EBF2: variants seen among roughly 807,000 people sequenced by gnomAD.
EBF2 encodes EBF transcription factor 2.
A neutral mutation model predicts 72.8 loss-of-function variants in EBF2; 21 were observed. The observed-to-expected ratio is 0.29, with a 90% CI of 0.20 to 0.42. The LOEUF (loss-of-function observed/expected upper bound fraction) is 0.42. Among genes scored for constraint, EBF2 ranks in the 10% least tolerant of loss-of-function variants. The pLI, the probability that EBF2 is intolerant of heterozygous loss-of-function variation, is 1.00. For missense variants in EBF2, 637 were observed against 731.2 expected (o/e 0.87, Z 1.49); for synonymous variants, 299 against 274.2 (o/e 1.09, Z -0.89).
intron 6 of EBF2, among the ~76,000 whole-genome samples, chr8:25,963,070 T>G (rs1485735): frequency 0.8 from 121,249 of 152,092 alleles, 48,596 homozygotes; most frequent in East Asian, 0.89. Flanking sequence ...GCCTTTGTTG[T>G]CAGGTTTATG....
chr8:25,968,531 G>A (rs1804147003), intron 6 of EBF2, among the ~76,000 whole-genome samples: 1 of 152,096 alleles, frequency 6.6e-6, no homozygotes, highest in African/African-American at 2.4e-5. Flanking sequence ...GCTGGGGGGA[G>A]GGGAAAATGG....
intron 6 of EBF2, among the ~76,000 whole-genome samples, chr8:26,027,900 T>C (rs7828231): frequency 0.017 from 2,514 of 152,302 alleles, 75 homozygotes; most frequent in African/African-American, 0.057. Context: ...GTGAGGTGTC[T>C]AGAGTAGTCA....
intron 13 of EBF2, among the ~76,000 whole-genome samples, chr8:25,859,179 G>C (rs1441030870): frequency 6.6e-6 from 1 of 152,162 alleles, no homozygotes; most frequent in Non-Finnish European, 1.5e-5. Flanking sequence ...GTCAAGTTAG[G>C]CTGGGCAGAT....
At chr8:25,891,739 A>T (rs983627396) in intron 7 of EBF2, among the ~76,000 whole-genome samples, 1 of 151,986 alleles carries the variant, frequency 6.6e-6, no homozygotes, top group Admixed American at 6.6e-5. Context: ...CACCATGCTC[A>T]GCTAATTTTT....
chr8:25,892,872 A>G (rs7006761), intron 7 of EBF2, among the ~76,000 whole-genome samples: 88,352 of 152,074 alleles, frequency 0.58, 26,056 homozygotes, highest in East Asian at 0.86. Flanking sequence ...TCAGGGGTAC[A>G]GCCTGTCTAG....
rs751777838 is a variant in EBF2 at position 25,858,342 on chromosome 8, G to A, written c.1505C>T (p.Ser502Leu). Residue 502 changes from serine (S) to leucine (L), a missense_variant, in exon 14 of 16, where the codon TCA becomes TTA. Ser to Leu is a moderately radical substitution (Grantham distance 145, BLOSUM62 -2). Transcript: ENST00000520164. ...ACTTCCATAAGGAGAGCCGGTGGGT[G>A]AGCCATTTAGAAATCCTGGTGAACC... ...VPGSPGFLNGSPTGSPYGIMS... is the reference protein window; with the variant it reads ...VPGSPGFLNGLPTGSPYGIMS... 50 of 1,614,070 alleles carry A rather than the reference G, an allele frequency of 3.1e-5. No individual in the cohort carries two copies. Among genetic ancestry groups the A allele is most frequent in the Non-Finnish European group, 4.1e-5 (48 of 1,180,030 alleles).
chr8:26,036,639 A>C (rs1158213611), intron 5 of EBF2, among the ~76,000 whole-genome samples: 1 of 152,150 alleles, frequency 6.6e-6, no homozygotes, highest in Non-Finnish European at 1.5e-5. Flanking sequence ...TATTAGCACA[A>C]GCAATGGGAA....
rs182027299 is a variant in EBF2, at chr8:25,949,371, T to A, written c.552-40816A>T. Among the ~76,000 whole-genome samples the A allele has an allele frequency of 3.0e-3, 460 of 152,342 alleles. 1 individual carries two copies. Among genetic ancestry groups the A allele is most frequent in the African/African-American group, 0.011 (440 of 41,588 alleles). On this transcript the variant is annotated intron_variant, in intron 6 of 15. Transcript: ENST00000520164. ...AATCACATTGGAAGTTTGATCATTT[T>A]TTAAAAATTTTGTTATATTTAACAT...
chr8:25,863,602 T>C, intron 10 of EBF2, among the ~76,000 whole-genome samples: 1 of 152,172 alleles, frequency 6.6e-6, no homozygotes, highest in East Asian at 1.9e-4. Context: ...TAATACATGA[T>C]TAAAGAAAAA....
At chr8:26,005,428 T>TATA (rs1804846578) in intron 6 of EBF2, among the ~76,000 whole-genome samples, 1 of 21,690 alleles carries the variant, frequency 4.6e-5, no homozygotes, top group South Asian at 1.1e-3. Context: ...TAATATATAT[T>TATA]ATATATATTA....
Position 26,044,755 on chromosome 8 carries a change from C to T in EBF2, c.105G>A (p.Val35=). The change falls in exon 1 of 16, where the codon GTG becomes GTA. Residue 35 remains valine (V), a synonymous_variant. Transcript: ENST00000520164. The surrounding 1 kb of genome is among the most constrained non-coding windows in gnomAD (Gnocchi z 4.1). Reference sequence around the variant, plus strand: ...TCTGCGCGGCGACATTAGCGTCCACCACTCCGACATTCCGGACCCAGGACC... The same window carrying T: ...TCTGCGCGGCGACATTAGCGTCCACTACTCCGACATTCCGGACCCAGGACC... ...SVRSWVRNVG[V]VDANVAAQSG... The T allele has an allele frequency of 6.2e-7, 1 of 1,614,186 alleles. No homozygotes were observed. The highest frequency in any genetic ancestry group is 8.5e-7 in the Non-Finnish European group (1 of 1,180,020).
chr8:26,006,202 ACAGATCCAGGGACAT>A (rs1804879217), intron 6 of EBF2, among the ~76,000 whole-genome samples: 1 of 152,128 alleles, frequency 6.6e-6, no homozygotes, highest in African/African-American at 2.4e-5. Context: ...AAAGTAACAA[ACAGATCCAGGGACAT>A]CATCACACCA....
intron 6 of EBF2, among the ~76,000 whole-genome samples, chr8:25,971,611 A>T (rs940967862): frequency 6.6e-6 from 1 of 152,154 alleles, no homozygotes; most frequent in Admixed American, 6.5e-5. Context: ...TAAATCACTC[A>T]CTAATATTGA....
At chr8:26,002,015 G>A (rs567785501) in intron 6 of EBF2, among the ~76,000 whole-genome samples, 2 of 152,284 alleles carry the variant, frequency 1.3e-5, no homozygotes, top group South Asian at 4.1e-4. Context: ...TGAAAACTAA[G>A]AGAGCTTCCT....
At chr8:25,978,249 G>A (rs1804299543) in intron 6 of EBF2, among the ~76,000 whole-genome samples, 1 of 151,130 alleles carries the variant, frequency 6.6e-6, no homozygotes, top group Non-Finnish European at 1.5e-5. Flanking sequence ...GGAAGCCCCA[G>A]GCCCACCTTG....
At chr8:26,014,704 T>C (rs1361991472) in intron 6 of EBF2, among the ~76,000 whole-genome samples, 16 of 152,216 alleles carry the variant, frequency 1.1e-4, no homozygotes, top group Non-Finnish European at 7.3e-5. Context: ...TTGTACACCT[T>C]ATTTATAATC....
At chr8:26,041,144 A>T in intron 2 of EBF2, 142 bp from the exon 3 acceptor site, 3 of 928,906 alleles carry the variant, frequency 3.2e-6, no homozygotes, top group Non-Finnish European at 5.0e-6. Context: ...CCCTAGGTCA[A>T]AGGGCATGAG....
chr8:25,960,066 A>G (rs1279666779), intron 6 of EBF2, among the ~76,000 whole-genome samples: 2 of 152,154 alleles, frequency 1.3e-5, no homozygotes, highest in African/African-American at 2.4e-5. Context: ...AGTGATCTTC[A>G]TGTATCTAAG....
rs759817066 is a variant in EBF2 at position 25,889,737 on chromosome 8, C to A, written c.751+15G>T. 1 of 1,593,888 alleles carries A rather than the reference C, an allele frequency of 6.3e-7. No individual in the cohort carries two copies. Among genetic ancestry groups the A allele is most frequent in the Non-Finnish European group, 8.6e-7 (1 of 1,161,890 alleles). ...AATTTCATGTGTCTGCTATGCTGAG[C>A]GCAGGCAGCCCTACCTTCCGATGGA... is the stretch of plus-strand genomic sequence containing the variant. On this transcript the variant is annotated intron_variant, in intron 8 of 15. Coordinates refer to ENST00000520164, the MANE Select transcript of EBF2 (RefSeq NM_022659.4).
Sources: allele counts gnomAD v4.1 joint callset (sites outside exome capture counted in the v4.1 genomes callset), GRCh38; gene constraint gnomAD v4.1.1; non-coding constraint Gnocchi (gnomAD v3.1); transcripts MANE v1.5; gene names NCBI Gene and HGNC (gene_info 2026-07-23, HGNC 2026-07-21).